LARGE1: variants seen among roughly 807,000 people sequenced by gnomAD.
LARGE1 encodes the protein LARGE xylosyl- and glucuronyltransferase 1.
LARGE1 carries 43 observed loss-of-function variants against 87.6 expected under a neutral mutation model. That is an observed-to-expected ratio of 0.49 (90% CI 0.38 to 0.63). The LOEUF is 0.63. Among genes scored for constraint, LARGE1 ranks in the 30% least tolerant of loss-of-function variants. The pLI, the probability that LARGE1 is intolerant of heterozygous loss-of-function variation, is 0.00. For missense variants in LARGE1, 802 were observed against 1,000.2 expected, an observed-to-expected ratio of 0.80 and a Z score of 2.67; for synonymous variants, 434 against 394.6, an observed-to-expected ratio of 1.10 and a Z score of -1.18.
rs148940991 is a variant in LARGE1 at position 33,607,093 on chromosome 22, G to T, written c.492-2535C>A. On this transcript the variant is annotated intron_variant, in intron 4 of 14. Transcript: ENST00000397394. ...ATCAATGAACTGAATGGATAGATGGGAGATGAGGGGAACAGATGTAGACAT... is the reference window on the plus strand; with the variant it reads ...ATCAATGAACTGAATGGATAGATGGTAGATGAGGGGAACAGATGTAGACAT... Among the ~76,000 whole-genome samples, 564 of 152,244 alleles carry T rather than the reference G, an allele frequency of 3.7e-3. 5 individuals carry two copies. The highest frequency in any genetic ancestry group is 0.013 in the African/African-American group (527 of 41,532).
At chr22:33,123,864 A>AC in the LARGE1 span, among the ~76,000 whole-genome samples, 1 of 152,054 alleles carries the variant, frequency 6.6e-6, no homozygotes, top group Non-Finnish European at 1.5e-5. Flanking sequence ...TGCCTAGGTG[A>AC]CCCCCAGCTT....
chr22:33,283,351 G>A lies in LARGE1; in HGVS notation c.1731-3C>T. The A allele has an allele frequency of 6.2e-7, 1 of 1,614,158 alleles. No homozygotes were observed. The highest frequency in any genetic ancestry group is 2.2e-5 in the East Asian group (1 of 44,878). Reference sequence around the variant, plus strand: ...GATCGAGCTGGATGACAGACTTCCTGAAAAGAGGGGACAGGCAGAGAGACA... The same window carrying A: ...GATCGAGCTGGATGACAGACTTCCTAAAAAGAGGGGACAGGCAGAGAGACA... On this transcript the variant is annotated splice_region_variant and splice_polypyrimidine_tract_variant and intron_variant, in intron 12 of 14. Transcript: ENST00000397394.
At chr22:33,350,933 G>A (rs1002151638) in intron 9 of LARGE1, among the ~76,000 whole-genome samples, 1 of 152,194 alleles carries the variant, frequency 6.6e-6, no homozygotes, top group Non-Finnish European at 1.5e-5. Context: ...GAGTCCTTTT[G>A]AGGAGACATT....
intron 6 of LARGE1, among the ~76,000 whole-genome samples, chr22:33,454,346 A>G (rs912662957): frequency 6.6e-6 from 1 of 152,124 alleles, no homozygotes; most frequent in Non-Finnish European, 1.5e-5. Context: ...TAGGCCGGGC[A>G]CAGTGGCTCA....
chr22:33,160,634 T>A (rs1469563066), downstream of LARGE1, among the ~76,000 whole-genome samples: 1 of 152,234 alleles, frequency 6.6e-6, no homozygotes, highest in East Asian at 1.9e-4. Flanking sequence ...TTATTAACAC[T>A]TTTAGTGGCA....
intron 6 of LARGE1, among the ~76,000 whole-genome samples, chr22:33,562,661 T>G (rs1269856701): frequency 6.6e-6 from 1 of 152,150 alleles, no homozygotes; most frequent in Admixed American, 6.5e-5. Context: ...TCTGGTGCCT[T>G]CCCTTCCACG....
At chr22:33,425,211 G>A (rs1157355736) in intron 7 of LARGE1, among the ~76,000 whole-genome samples, 1 of 152,112 alleles carries the variant, frequency 6.6e-6, no homozygotes, top group Non-Finnish European at 1.5e-5. Context: ...GCAGTGAGCC[G>A]AGATATTGCC....
chr22:33,129,874 C>A, the LARGE1 span, among the ~76,000 whole-genome samples: 6 of 152,174 alleles, frequency 3.9e-5, no homozygotes, highest in East Asian at 1.9e-4. Flanking sequence ...CCTGGTCCAA[C>A]CTTTGACACG....
chr22:33,697,944 C>G (rs1229911671), intron 2 of LARGE1, among the ~76,000 whole-genome samples: 3 of 152,218 alleles, frequency 2.0e-5, no homozygotes. Flanking sequence ...TTCTGCCATG[C>G]CTTGCTACTG....
At chr22:33,784,541 G>C (rs2085535350) in intron 1 of LARGE1, among the ~76,000 whole-genome samples, 5 of 152,130 alleles carry the variant, frequency 3.3e-5, no homozygotes. Flanking sequence ...AGGATTTCTA[G>C]TGCCCTAATT....
chr22:33,824,855 C>A (rs571522455), intron 1 of LARGE1, among the ~76,000 whole-genome samples: 1 of 152,308 alleles, frequency 6.6e-6, no homozygotes, highest in South Asian at 2.1e-4. Context: ...GTTTATAACA[C>A]TGAATATAAT....
chr22:33,268,277 T>C (rs1182854188), downstream of LARGE1, among the ~76,000 whole-genome samples: 3 of 150,350 alleles, frequency 2.0e-5, no homozygotes, highest in African/African-American at 7.4e-5. Context: ...AATTCTTACA[T>C]CGCCGTTTTG....
intron 6 of LARGE1, among the ~76,000 whole-genome samples, chr22:33,512,540 C>A (rs562895377): frequency 6.6e-6 from 1 of 152,216 alleles, no homozygotes; most frequent in Non-Finnish European, 1.5e-5. Context: ...CAGTGGCTCA[C>A]GCCTGTAATC....
At chr22:33,486,780 T>C (rs2148251455) in intron 6 of LARGE1, among the ~76,000 whole-genome samples, 1 of 152,332 alleles carries the variant, frequency 6.6e-6, no homozygotes, top group South Asian at 2.1e-4. Context: ...TTTCTCCATG[T>C]CCCTCTGATG....
chr22:33,616,185 C>T (rs2149033228), intron 4 of LARGE1, among the ~76,000 whole-genome samples: 1 of 152,064 alleles, frequency 6.6e-6, no homozygotes, highest in Non-Finnish European at 1.5e-5. Context: ...TTATACAGAA[C>T]ATTCTTAGCA....
At chr22:33,301,028 T>C (rs1021943778) in intron 12 of LARGE1, among the ~76,000 whole-genome samples, 1 of 152,120 alleles carries the variant, frequency 6.6e-6, no homozygotes, top group Non-Finnish European at 1.5e-5. Context: ...AGATCAGTGC[T>C]GAGAAAGTCA....
chr22:33,145,641 G>GTATCTATT, the LARGE1 span, among the ~76,000 whole-genome samples: 1 of 152,100 alleles, frequency 6.6e-6, no homozygotes, highest in African/African-American at 2.4e-5. Context: ...GTATTCTATG[G>GTATCTATT]GTATTTGCTC....
chr22:33,314,856 C>T lies in LARGE1; in HGVS notation c.1451+1229G>A, dbSNP rs968556555. Among the ~76,000 whole-genome samples, 5 of 152,144 alleles carry T rather than the reference C, an allele frequency of 3.3e-5. No individual in the cohort carries two copies. In the South Asian group the frequency reaches 1.0e-3, roughly 32 times the overall value. ...GTATAGAAAAGCCATGTAGCCCTGG[C>T]TGAGTGACCTTGGGGCTTCAAATCC... On this transcript the variant is annotated intron_variant, in intron 11 of 14. Coordinates refer to ENST00000397394, the MANE Select transcript of LARGE1 (RefSeq NM_133642.5).
chr22:33,650,341 C>T, intron 3 of LARGE1, 26 bp downstream of exon 3: 2 of 1,613,712 alleles, frequency 1.2e-6, no homozygotes, highest in Admixed American at 3.3e-5. Context: ...GGACAACTTC[C>T]TCCCCAGGCT....
Sources: gnomAD v4.1 joint callset for allele counts (sites outside exome capture counted in the v4.1 genomes callset) on GRCh38, gnomAD v4.1.1 for gene constraint, MANE v1.5 for transcripts, NCBI Gene and HGNC (gene_info 2026-07-23, HGNC 2026-07-21) for gene names.